Variants in IMMP2L observed in about 807,000 individuals in gnomAD.
IMMP2L encodes mitochondrial inner membrane protease subunit 2.
A neutral mutation model predicts 19.3 loss-of-function variants in IMMP2L; 18 were observed. The ratio of observed to expected loss-of-function variants is 0.93; its 90% CI spans 0.64 to 1.38. The LOEUF (loss-of-function observed/expected upper bound fraction) is 1.38. Ranked by LOEUF, IMMP2L falls within the 40% of genes most tolerant of loss-of-function variation. IMMP2L has a pLI of 0.00. For synonymous variants in IMMP2L, 76 were observed against 73.0 expected (o/e 1.04, Z -0.21); for missense variants, 233 against 218.2 (o/e 1.07, Z -0.43).
intron 3 of IMMP2L, among the ~76,000 whole-genome samples, chr7:111,274,959 A>G (rs1393569710): frequency 6.6e-6 from 1 of 152,166 alleles, no homozygotes; most frequent in Non-Finnish European, 1.5e-5. Context: ...TCTGCTTGAC[A>G]TCTTCCAGTC....
chr7:111,121,172 A>T (rs1327776746), intron 3 of IMMP2L, among the ~76,000 whole-genome samples: 1 of 152,176 alleles, frequency 6.6e-6, no homozygotes, highest in Non-Finnish European at 1.5e-5. Context: ...ATTATCAAGG[A>T]CATATCCTTC....
chr7:110,866,403 A>G (rs1451263534), intron 5 of IMMP2L, among the ~76,000 whole-genome samples: 1 of 151,734 alleles, frequency 6.6e-6, no homozygotes, highest in Admixed American at 6.6e-5. Context: ...AGCAGAAGGA[A>G]GATTTTTAAG....
At chr7:111,018,648 A>C (rs953208683) in intron 3 of IMMP2L, among the ~76,000 whole-genome samples, 6 of 152,058 alleles carry the variant, frequency 3.9e-5, no homozygotes, top group African/African-American at 1.4e-4. Flanking sequence ...AATTGTTCCC[A>C]TTTCTCGTAT....
At chr7:111,262,599 G>A (rs887990333) in intron 3 of IMMP2L, among the ~76,000 whole-genome samples, 1 of 152,098 alleles carries the variant, frequency 6.6e-6, no homozygotes, top group African/African-American at 2.4e-5. Context: ...TGAAATACCC[G>A]TAGCAAGATG....
intron 3 of IMMP2L, among the ~76,000 whole-genome samples, chr7:111,033,528 T>TA (rs1045136433): frequency 1.3e-5 from 2 of 152,212 alleles, no homozygotes; most frequent in Admixed American, 6.5e-5. Flanking sequence ...CAGGACTGTT[T>TA]ATAGCAGCTT....
intron 1 of IMMP2L, among the ~76,000 whole-genome samples, chr7:111,540,837 TG>T (rs1424986560): frequency 4.6e-5 from 7 of 152,152 alleles, no homozygotes; most frequent in Non-Finnish European, 1.0e-4. Flanking sequence ...TAGTTTCATA[TG>T]GTTGTGTCAG....
intron 5 of IMMP2L, among the ~76,000 whole-genome samples, chr7:110,810,719 G>T (rs1387439380): frequency 6.6e-6 from 1 of 152,046 alleles, no homozygotes; most frequent in Admixed American, 6.6e-5. Flanking sequence ...GAAGCTTGGG[G>T]ATAAACAGAC....
intron 4 of IMMP2L, among the ~76,000 whole-genome samples, chr7:110,905,261 T>C (rs1414491849): frequency 6.6e-6 from 1 of 152,156 alleles, no homozygotes; most frequent in Non-Finnish European, 1.5e-5. Context: ...ACTACAATAT[T>C]ATCATTAATG....
At chr7:111,281,216 A>AAAAG (rs1177782720) in intron 3 of IMMP2L, among the ~76,000 whole-genome samples, 38 of 38,784 alleles carry the variant, frequency 9.8e-4, no homozygotes, top group East Asian at 4.0e-3. Flanking sequence ...GAAAGAAAGA[A>AAAAG]AAAGAAAGAA....
At chr7:110,920,796 A>G (rs1438136403) in intron 4 of IMMP2L, among the ~76,000 whole-genome samples, 1 of 152,146 alleles carries the variant, frequency 6.6e-6, no homozygotes, top group African/African-American at 2.4e-5. Context: ...TTTTGAGATA[A>G]TTTTAGATTT....
At chr7:111,280,965 G>T (rs183890518) in intron 3 of IMMP2L, among the ~76,000 whole-genome samples, 18 of 151,984 alleles carry the variant, frequency 1.2e-4, no homozygotes, top group Non-Finnish European at 2.4e-4. Context: ...AGCTACTTGG[G>T]AGGCTGAGGT....
At chr7:111,380,555 T>C (rs1049547411) in intron 3 of IMMP2L, among the ~76,000 whole-genome samples, 14 of 152,044 alleles carry the variant, frequency 9.2e-5, no homozygotes, top group Non-Finnish European at 4.4e-5. Context: ...GCAGCAGATA[T>C]GTAACAATAT....
chr7:111,405,285 C>T (rs868332007), intron 3 of IMMP2L, among the ~76,000 whole-genome samples: 4 of 152,006 alleles, frequency 2.6e-5, no homozygotes, highest in African/African-American at 9.7e-5. Flanking sequence ...GCTTTTACTG[C>T]TCCCAAGTAT....
At chr7:111,016,870 CATATA>C (rs1825724229) in intron 3 of IMMP2L, among the ~76,000 whole-genome samples, 1 of 75,404 alleles carries the variant, frequency 1.3e-5, no homozygotes, top group Non-Finnish European at 2.3e-5. Context: ...TAATATATTA[CATATA>C]ATATATATTA....
chr7:110,734,740 CA>C (rs200783941), intron 5 of IMMP2L, among the ~76,000 whole-genome samples: 3,173 of 152,108 alleles, frequency 0.021, 53 homozygotes, highest in Middle Eastern at 0.045. Context: ...AACAAACAAA[CA>C]AACAAAAAAC....
intron 5 of IMMP2L, among the ~76,000 whole-genome samples, chr7:110,852,852 T>G (rs1276331206): frequency 6.6e-6 from 1 of 151,980 alleles, no homozygotes; most frequent in East Asian, 1.9e-4. Flanking sequence ...CCAGCATAAT[T>G]TGTCAGAAAC....
At chr7:111,502,986 G>T (rs1563280055) in intron 2 of IMMP2L, among the ~76,000 whole-genome samples, 1 of 151,130 alleles carries the variant, frequency 6.6e-6, no homozygotes, top group African/African-American at 2.4e-5. Flanking sequence ...AGAACTGAAG[G>T]AAATAGAGAC....
At chr7:111,032,860 C>T (rs1198988255) in intron 3 of IMMP2L, among the ~76,000 whole-genome samples, 1 of 151,862 alleles carries the variant, frequency 6.6e-6, no homozygotes, top group Non-Finnish European at 1.5e-5. Context: ...TGGCTCATGC[C>T]TGTAATTCCA....
At chr7:110,909,930 G>C (rs1035860010) in intron 4 of IMMP2L, among the ~76,000 whole-genome samples, 1 of 136,012 alleles carries the variant, frequency 7.4e-6, no homozygotes. Flanking sequence ...GATAGACAGA[G>C]AGAGAGAGAG....
Sources: allele counts gnomAD v4.1 joint callset (sites outside exome capture counted in the v4.1 genomes callset), GRCh38; gene constraint gnomAD v4.1.1; transcripts MANE v1.5; gene names NCBI Gene and HGNC (gene_info 2026-07-23, HGNC 2026-07-21).